The following NIPBL variants were observed in gnomAD, a reference collection of about 807,000 sequenced individuals.
NIPBL encodes NIPBL cohesin loading factor.
Under a neutral mutation model 321.8 loss-of-function variants are expected in NIPBL, and 19 were observed. The observed-to-expected ratio is 0.06, with a 90% confidence interval of 0.04 to 0.09. The LOEUF (loss-of-function observed/expected upper bound fraction) is 0.09, where lower values mean the gene tolerates loss of function less well. Among genes scored for constraint, NIPBL ranks in the 10% least tolerant of loss-of-function variants. The pLI is 1.00. For synonymous variants in NIPBL, 1,106 were observed against 1,114.1 expected (o/e 0.99, Z 0.14); for missense variants, 2,210 against 3,327.0 (o/e 0.66, Z 8.26).
chr5:37,007,600 A>G, intron 18 of NIPBL, 126 bp downstream of exon 18: 1 of 651,078 alleles, frequency 1.5e-6, no homozygotes, highest in South Asian at 2.2e-5. Context: ...AGAGTATGTT[A>G]TATCTAAATC....
chr5:36,958,313 C>T, intron 4 of NIPBL, 82 bp downstream of exon 4: 1 of 1,414,924 alleles, frequency 7.1e-7, no homozygotes, highest in Non-Finnish European at 9.9e-7. Flanking sequence ...AACAAGCTGG[C>T]CTATCAGGAA....
Position 36,971,167 on chromosome 5 carries a change from C to T in NIPBL, c.771+131C>T, listed in dbSNP as rs531732395. ...ACTGGGTACTGAGTACAACATGGCTCCTGCACATACAGAGCTTAGTCTAGA... is the reference window on the plus strand; with the variant it reads ...ACTGGGTACTGAGTACAACATGGCTTCTGCACATACAGAGCTTAGTCTAGA... On this transcript the variant is annotated intron_variant, in intron 7 of 46. Transcript: ENST00000282516. The T allele has an allele frequency of 2.5e-4, 190 of 759,012 alleles. 3 individuals carry two copies. The South Asian group carries it at 2.7e-3, about 11-fold the overall frequency. The allele number at this position is 759,012 out of a possible 1,614,324, so 47.0% of individuals were successfully genotyped here.
intron 42 of NIPBL, among the ~76,000 whole-genome samples, chr5:37,055,822 A>G (rs1377129348): frequency 1.3e-5 from 2 of 151,542 alleles, no homozygotes; most frequent in African/African-American, 4.9e-5. Context: ...CCTGGGCAAC[A>G]TAGTGAGACC....
In NIPBL at chr5:37,059,005, T is replaced by C; in HGVS notation, c.7525T>C (p.Ser2509Pro). 1 of 1,613,318 alleles carries C rather than the reference T, an allele frequency of 6.2e-7. No individual in the cohort carries two copies. Among genetic ancestry groups the C allele is most frequent in the Non-Finnish European group, 8.5e-7 (1 of 1,179,610 alleles). ...TCGGAAGTCACGGAAACGTGTAGAT[T>C]CAGATTCAGATTCAGATTCAGAAGA... ...RPRKSRKRVD[S>P]DSDSDSEDDI... is the part of the protein sequence containing the mutation. The change falls in exon 44 of 47, where the codon TCA becomes CCA. Residue 2509 changes from serine to proline, a missense_variant. Physicochemically the swap from Ser to Pro is moderately conservative, Grantham distance 74. This residue lies in a region of NIPBL where 79 missense variants were observed against 90.8 expected (regional missense o/e 0.87). Transcript: ENST00000282516.
At chr5:37,042,899 GCACACACA>G (rs70976273) in intron 34 of NIPBL, among the ~76,000 whole-genome samples, 1 of 144,854 alleles carries the variant, frequency 6.9e-6, no homozygotes, top group Non-Finnish European at 1.5e-5. Flanking sequence ...ACACACGCGC[GCACACACA>G]CACACACACA....
intron 1 of NIPBL, among the ~76,000 whole-genome samples, chr5:36,880,821 T>C (rs1745447332): frequency 6.6e-6 from 1 of 152,082 alleles, no homozygotes; most frequent in African/African-American, 2.4e-5. Flanking sequence ...TTTAAAAATA[T>C]TCTGATATCC....
In NIPBL at chr5:36,904,525, A is replaced by G. The variant is rs550828587; in HGVS notation, c.-80+27347A>G. 2.6e-5 allele frequency among the ~76,000 whole-genome samples: 4 copies of G among 152,298 alleles called. No homozygotes were observed. In the East Asian group the frequency reaches 7.7e-4, roughly 29 times the overall value. ...GTAACAAATTACACCAAAATTTAGC[A>G]GTTTAGAGCAATAAATATTTATTAT... is the stretch of plus-strand genomic sequence containing the variant. On this transcript the variant is annotated intron_variant, in intron 1 of 46. Coordinates refer to ENST00000282516, the MANE Select transcript of NIPBL (RefSeq NM_133433.4).
rs750703789 is a variant in NIPBL at position 36,985,796 on chromosome 5, T to C, written c.2616T>C (p.His872=). ...KTDKLERKHR[H]ESGDSRERPS... is the part of the protein sequence containing the mutation. ...ATAAACTAGAACGAAAACACAGGCATGAATCAGGGGACTCAAGGGAAAGAC... is the reference window on the plus strand; with the variant it reads ...ATAAACTAGAACGAAAACACAGGCACGAATCAGGGGACTCAAGGGAAAGAC... The change falls in exon 10 of 47, where the codon CAT becomes CAC. Residue 872 remains histidine, a synonymous_variant. Coordinates refer to ENST00000282516, the MANE Select transcript of NIPBL (RefSeq NM_133433.4). 2.5e-6 allele frequency: 4 copies of C among 1,613,810 alleles called. No homozygotes were observed. The African/African-American group carries it at 4.0e-5, about 16-fold the overall frequency.
chr5:37,058,924 T>C lies in NIPBL; in HGVS notation c.7444T>C (p.Ser2482Pro). The C allele has an allele frequency of 6.2e-7, 1 of 1,613,984 alleles. No individual in the cohort carries two copies. Among genetic ancestry groups the C allele is most frequent in the South Asian group, 1.1e-5 (1 of 91,068 alleles). The change falls in exon 44 of 47, where the codon TCA becomes CCA. Residue 2482 changes from serine to proline, a missense_variant. Physicochemically the swap from Ser to Pro is moderately conservative, Grantham distance 74 (BLOSUM62 -1). Around this residue, in one of 14 missense-constraint regions of NIPBL, gnomAD observed 79 missense variants for 90.8 expected, o/e 0.87. Transcript: ENST00000282516. ...MVKDKRKERKSSPSKENESSD... is the reference protein window; with the variant it reads ...MVKDKRKERKPSPSKENESSD... Reference sequence around the variant, plus strand: ...AAAGGACAAAAGGAAAGAGAGAAAATCATCACCTAGTAAGGAAAATGAGTC... The same window carrying C: ...AAAGGACAAAAGGAAAGAGAGAAAACCATCACCTAGTAAGGAAAATGAGTC...
At chr5:37,010,008 C>A in intron 20 of NIPBL, 79 bp from the exon 21 acceptor site, 2 of 1,092,346 alleles carry the variant, frequency 1.8e-6, no homozygotes, top group Admixed American at 1.8e-5. Context: ...AACACAGTAT[C>A]GTGAAACTTT....
chr5:37,058,819 T>C (rs1186895613), intron 43 of NIPBL, 72 bp from the exon 44 acceptor site: 30 of 1,399,870 alleles, frequency 2.1e-5, no homozygotes, highest in Non-Finnish European at 2.9e-5. Flanking sequence ...TTTCAAGCTG[T>C]TGAATGGAGC....
intron 14 of NIPBL, among the ~76,000 whole-genome samples, chr5:37,002,098 C>A (rs1580441086): frequency 1.3e-5 from 2 of 151,982 alleles, no homozygotes; most frequent in South Asian, 4.1e-4. Context: ...CAAAATAATA[C>A]CAGAACCCAG....
At position 36,881,525 on chromosome 5, in the gene NIPBL, A is replaced by G. The variant is rs552059451; in HGVS notation, c.-80+4347A>G. Reference sequence around the variant, plus strand: ...TTTAACATGCCCAAAAGTAGAAACAATAATTATCTACAATGTACAGATGAG... The same window carrying G: ...TTTAACATGCCCAAAAGTAGAAACAGTAATTATCTACAATGTACAGATGAG... On this transcript the variant is annotated intron_variant, in intron 1 of 46. Transcript: ENST00000282516. 6.6e-5 allele frequency among the ~76,000 whole-genome samples: 10 copies of G among 152,104 alleles called. No homozygotes were observed. In the South Asian group the frequency reaches 1.7e-3, roughly 25 times the overall value.
chr5:36,966,526 TA>T (rs1742223033), intron 6 of NIPBL, among the ~76,000 whole-genome samples: 1 of 152,076 alleles, frequency 6.6e-6, no homozygotes, highest in Admixed American at 6.6e-5. Flanking sequence ...CTCTTTATTG[TA>T]AAAGTACATA....
At chr5:37,014,583 A>G in intron 21 of NIPBL, 100 bp from the exon 22 acceptor site, 1 of 735,702 alleles carries the variant, frequency 1.4e-6, no homozygotes, top group Non-Finnish European at 2.4e-6. Flanking sequence ...GCATTTTAGT[A>G]TTTAAATATA....
chr5:36,886,810 T>C (rs1379996743), intron 1 of NIPBL, among the ~76,000 whole-genome samples: 1 of 151,632 alleles, frequency 6.6e-6, no homozygotes, highest in African/African-American at 2.4e-5. Flanking sequence ...CAACTAGATC[T>C]GGTTTCTGTC....
chr5:37,062,198 C>A (rs1269817056), intron 45 of NIPBL, among the ~76,000 whole-genome samples: 1 of 152,104 alleles, frequency 6.6e-6, no homozygotes, highest in African/African-American at 2.4e-5. Context: ...GGGTTGAATC[C>A]GCAGGTGCGG....
At chr5:36,925,681 C>A (rs1749304946) in intron 1 of NIPBL, among the ~76,000 whole-genome samples, 1 of 152,114 alleles carries the variant, frequency 6.6e-6, no homozygotes. Context: ...TAGTACGTGG[C>A]AGAATTATAA....
chr5:36,998,332 A>T lies in NIPBL; in HGVS notation c.3305-2041A>T, dbSNP rs185900949. Among the ~76,000 whole-genome samples, 343 of 151,996 alleles carry T rather than the reference A, an allele frequency of 2.3e-3. 1 individual carries two copies. The highest frequency in any genetic ancestry group is 0.017 in the Middle Eastern group (5 of 294). On this transcript the variant is annotated intron_variant, in intron 11 of 46. Transcript: ENST00000282516. Reference sequence around the variant, plus strand: ...TTTTATCTAAATTGTCTAAAATTTGATGAATGTGAAATAAAGATTTACAAG... The same window carrying T: ...TTTTATCTAAATTGTCTAAAATTTGTTGAATGTGAAATAAAGATTTACAAG...
Sources: allele counts gnomAD v4.1 joint callset (sites outside exome capture counted in the v4.1 genomes callset), GRCh38; gene constraint gnomAD v4.1.1; regional missense constraint gnomAD v4.1.1; transcripts MANE v1.5; gene names NCBI Gene and HGNC (gene_info 2026-07-23, HGNC 2026-07-21).